The following PTPN13 variants were observed in gnomAD, a reference collection of about 807,000 sequenced individuals.
The protein encoded by PTPN13 is protein tyrosine phosphatase non-receptor type 13.
Under a neutral mutation model 284.0 loss-of-function variants are expected in PTPN13, and 191 were observed. The ratio of observed to expected loss-of-function variants is 0.67; its 90% confidence interval spans 0.60 to 0.76. The LOEUF is 0.76. Among genes scored for constraint, PTPN13 ranks in the 30% least tolerant of loss-of-function variants. The pLI, the probability that PTPN13 is intolerant of heterozygous loss-of-function variation, is 0.00. For synonymous variants in PTPN13, 986 were observed against 1,022.3 expected, an observed-to-expected ratio of 0.96 and a Z score of 0.68; for missense variants, 2,797 against 2,939.9, an observed-to-expected ratio of 0.95 and a Z score of 1.12.
chr4:86,707,985 G>T (rs1731952785), intron 7 of PTPN13, among the ~76,000 whole-genome samples: 1 of 152,164 alleles, frequency 6.6e-6, no homozygotes, highest in Non-Finnish European at 1.5e-5. Flanking sequence ...AAGGAAAGAA[G>T]TGTCTACTGT....
chr4:86,631,121 G>C (rs1722420342), intron 1 of PTPN13, among the ~76,000 whole-genome samples: 1 of 152,092 alleles, frequency 6.6e-6, no homozygotes, highest in South Asian at 2.1e-4. Context: ...TTTAACCTTT[G>C]TGATAGGTTA....
At chr4:86,598,947 T>A (rs1764060465) in intron 1 of PTPN13, among the ~76,000 whole-genome samples, 1 of 152,116 alleles carries the variant, frequency 6.6e-6, no homozygotes, top group Non-Finnish European at 1.5e-5. Context: ...TTTGTAGAGA[T>A]AATGGTCTTC....
At chr4:86,627,791 T>C (rs903353082) in intron 1 of PTPN13, among the ~76,000 whole-genome samples, 2 of 152,216 alleles carry the variant, frequency 1.3e-5, no homozygotes, top group African/African-American at 2.4e-5. Context: ...TTCTATAATT[T>C]TGTATAAATG....
rs762182994 is a variant in PTPN13, at chr4:86,772,901, A to G, written c.5292A>G (p.Gln1764=). 12 of 1,611,602 alleles carry G rather than the reference A, an allele frequency of 7.4e-6. No individual in the cohort carries two copies. The Admixed American group carries it at 1.7e-4, about 22-fold the overall frequency. ...HIHHISEPTR[Q]ENWTPLKNDL... ...ATCACATTTCTGAACCAACTAGACA[A>G]GAAAACTGGACACCTTTGAAAAATG... Residue 1764 remains glutamine, a synonymous_variant, in exon 32 of 48, where the codon CAA becomes CAG. Coordinates refer to ENST00000411767, the MANE Select transcript of PTPN13 (RefSeq NM_080683.3).
In PTPN13 at chr4:86,710,820, A is replaced by G. The variant is rs564994069; in HGVS notation, c.1196-5710A>G. 6.6e-5 allele frequency among the ~76,000 whole-genome samples: 10 copies of G among 152,326 alleles called. No individual in the cohort carries two copies. The East Asian group carries it at 1.7e-3, about 26-fold the overall frequency. On this transcript the variant is annotated intron_variant, in intron 7 of 47. Transcript: ENST00000411767. ...TTTTTATACCTCATTCTGACAAAAA[A>G]TAGTATACTCTTAATTATGGTAAAA...
At chr4:86,685,024 T>C (rs1248008299) in intron 3 of PTPN13, among the ~76,000 whole-genome samples, 1 of 152,232 alleles carries the variant, frequency 6.6e-6, no homozygotes, top group Non-Finnish European at 1.5e-5. Flanking sequence ...GAACTGTCCA[T>C]GCTCTTCTAT....
chr4:86,747,770 A>G (rs914150864), intron 17 of PTPN13, among the ~76,000 whole-genome samples: 7 of 152,224 alleles, frequency 4.6e-5, no homozygotes, highest in South Asian at 2.1e-4. Context: ...GGTGTGATCT[A>G]TATTTTTCCC....
At chr4:86,713,987 C>T (rs985136888) in intron 7 of PTPN13, among the ~76,000 whole-genome samples, 2 of 151,948 alleles carry the variant, frequency 1.3e-5, no homozygotes, top group Non-Finnish European at 2.9e-5. Flanking sequence ...GAATTCCTCA[C>T]CCACCTTGAT....
At chr4:86,709,717 T>C (rs536006463) in intron 7 of PTPN13, among the ~76,000 whole-genome samples, 91 of 152,174 alleles carry the variant, frequency 6.0e-4, no homozygotes, top group Non-Finnish European at 1.1e-3. Flanking sequence ...AGTGAATCCT[T>C]GAAGATTCTG....
chr4:86,595,015 C>G (rs1039384359), intron 1 of PTPN13, among the ~76,000 whole-genome samples: 3 of 152,048 alleles, frequency 2.0e-5, no homozygotes, highest in Non-Finnish European at 4.4e-5. Context: ...AGATGAAACT[C>G]CATTGCTAAT....
chr4:86,789,203 C>T (rs1200524722), intron 40 of PTPN13, among the ~76,000 whole-genome samples: 1 of 152,186 alleles, frequency 6.6e-6, no homozygotes, highest in East Asian at 1.9e-4. Context: ...TTGATCTTTC[C>T]ACATCTCTTG....
At chr4:86,798,982 G>T in intron 41 of PTPN13, 119 bp from the exon 42 acceptor site, 1 of 627,552 alleles carries the variant, frequency 1.6e-6, no homozygotes, top group Non-Finnish European at 2.6e-6. Flanking sequence ...TGTGGCTTTG[G>T]TTTTCTTAGA....
chr4:86,734,892 T>A lies in PTPN13; in HGVS notation c.2151+17T>A, dbSNP rs765626533. On this transcript the variant is annotated intron_variant, in intron 14 of 47. Transcript: ENST00000411767. Reference sequence around the variant, plus strand: ...CAACCAGAGGTAGGATTTGTGTTTTTTTCCAGGACCATTTTTGTTTGGTGT... The same window carrying A: ...CAACCAGAGGTAGGATTTGTGTTTTATTCCAGGACCATTTTTGTTTGGTGT... The A allele has an allele frequency of 5.6e-6, 9 of 1,604,646 alleles. No individual in the cohort carries two copies. Among genetic ancestry groups the A allele is most frequent in the Non-Finnish European group, 7.7e-6 (9 of 1,172,902 alleles).
intron 1 of PTPN13, among the ~76,000 whole-genome samples, chr4:86,608,562 A>G (rs981999438): frequency 1.3e-5 from 2 of 152,078 alleles, no homozygotes; most frequent in African/African-American, 4.8e-5. Context: ...TAATTCCTCA[A>G]AATAACTTTA....
rs1305979244 is a variant in PTPN13, at chr4:86,750,501, A to G, written c.2682A>G (p.Gln894=). 1 of 1,613,730 alleles carries G rather than the reference A, an allele frequency of 6.2e-7. No homozygotes were observed. The change falls in exon 18 of 48, where the codon CAA becomes CAG. Residue 894 remains glutamine, a synonymous_variant. Transcript: ENST00000411767. Reference sequence around the variant, plus strand: ...CTTCGTTTAGGAGCCTGAATCTCCAAGCAGAGTCTGTTAGAGGATTTAATA... The same window carrying G: ...CTTCGTTTAGGAGCCTGAATCTCCAGGCAGAGTCTGTTAGAGGATTTAATA... ...ERASFRSLNL[Q]AESVRGFNMG...
At chr4:86,678,492 G>C (rs1174827006) in intron 3 of PTPN13, among the ~76,000 whole-genome samples, 1 of 152,186 alleles carries the variant, frequency 6.6e-6, no homozygotes, top group African/African-American at 2.4e-5. Context: ...ACTATTTGCT[G>C]ACAGATCCCA....
intron 3 of PTPN13, among the ~76,000 whole-genome samples, chr4:86,676,073 G>T (rs928146196): frequency 2.0e-5 from 3 of 152,184 alleles, no homozygotes; most frequent in African/African-American, 7.2e-5. Flanking sequence ...AGCCTCAACC[G>T]AACTTGACCA....
chr4:86,695,258 A>G (rs1432031931), intron 6 of PTPN13, among the ~76,000 whole-genome samples: 1 of 152,106 alleles, frequency 6.6e-6, no homozygotes, highest in African/African-American at 2.4e-5. Flanking sequence ...ATTAGTTTAT[A>G]TATGGGCCAA....
intron 20 of PTPN13, among the ~76,000 whole-genome samples, chr4:86,757,162 G>T (rs1023479264): frequency 6.6e-6 from 1 of 152,088 alleles, no homozygotes; most frequent in Non-Finnish European, 1.5e-5. Flanking sequence ...GGTTTCAGAA[G>T]TTAATTGTGA....
Sources: allele counts gnomAD v4.1 joint callset (sites outside exome capture counted in the v4.1 genomes callset), GRCh38; gene constraint gnomAD v4.1.1; transcripts MANE v1.5; gene names NCBI Gene and HGNC (gene_info 2026-07-23, HGNC 2026-07-21).